Variants in CEP128 observed in about 807,000 individuals in gnomAD.
CEP128 encodes the protein centrosomal protein 128.
CEP128 carries 132 observed loss-of-function variants against 156.7 expected under a neutral mutation model. The ratio of observed to expected loss-of-function variants is 0.84; its 90% CI spans 0.73 to 0.97. The LOEUF is 0.97. Ranked by LOEUF, CEP128 falls within the 50% of genes least tolerant of loss-of-function variation. CEP128 has a pLI of 0.00. For synonymous variants in CEP128, 469 were observed against 448.9 expected, an observed-to-expected ratio of 1.04 and a Z score of -0.57; for missense variants, 1,252 against 1,281.9, an observed-to-expected ratio of 0.98 and a Z score of 0.36.
intron 19 of CEP128, among the ~76,000 whole-genome samples, chr14:80,679,782 C>T (rs1299246016): frequency 6.6e-6 from 1 of 152,176 alleles, no homozygotes; most frequent in East Asian, 1.9e-4. Context: ...CCTGTTTACA[C>T]CCCCTCCCCT....
intron 2 of CEP128, among the ~76,000 whole-genome samples, chr14:80,935,008 A>G (rs903592008): frequency 6.6e-6 from 1 of 152,214 alleles, no homozygotes; most frequent in Non-Finnish European, 1.5e-5. Context: ...TCATAACATT[A>G]TTATTATCAT....
intron 19 of CEP128, among the ~76,000 whole-genome samples, chr14:80,711,293 T>TG (rs1897393655): frequency 9.8e-6 from 1 of 102,324 alleles, no homozygotes; most frequent in South Asian, 3.7e-4. Flanking sequence ...TATAAGACTA[T>TG]GTTGTGTGTG....
chr14:80,864,590 T>C (rs1285958963), intron 8 of CEP128, among the ~76,000 whole-genome samples: 1 of 151,412 alleles, frequency 6.6e-6, no homozygotes, highest in Admixed American at 6.6e-5. Flanking sequence ...ACAGTCTCAC[T>C]CTGTCACCCA....
At chr14:80,833,749 C>T (rs1181146241) in intron 12 of CEP128, among the ~76,000 whole-genome samples, 3 of 152,016 alleles carry the variant, frequency 2.0e-5, no homozygotes, top group Non-Finnish European at 2.9e-5. Flanking sequence ...CAAGAGAGTA[C>T]TACATGTCCT....
chr14:80,661,075 G>A (rs1006194580), intron 19 of CEP128, among the ~76,000 whole-genome samples: 3 of 152,118 alleles, frequency 2.0e-5, no homozygotes, highest in African/African-American at 4.8e-5. Flanking sequence ...CACTGAAGAC[G>A]TCATTGCTGA....
intron 2 of CEP128, among the ~76,000 whole-genome samples, chr14:80,952,456 A>G (rs1412239569): frequency 1.3e-5 from 2 of 152,152 alleles, no homozygotes; most frequent in Non-Finnish European, 2.9e-5. Context: ...TAAACTGAAT[A>G]CAAATGAAAT....
In CEP128 at chr14:80,477,258, C is replaced by T. The variant is rs1029608554; in HGVS notation, c.*1460G>A. 2.0e-5 allele frequency: 3 copies of T among 152,264 alleles called. No individual in the cohort carries two copies. The East Asian group carries it at 5.8e-4, about 29-fold the overall frequency. The allele number at this position is 152,264 out of a possible 1,614,324, so 9.4% of individuals were successfully genotyped here. A position where few individuals can be genotyped will look rare whatever the true frequency, so the allele number is the denominator to read the frequency against. ...CTAATAGTACAGTATTACTGCCTTTCCTACCTTGGAAAAATTACATTATAG... is the reference window on the plus strand; with the variant it reads ...CTAATAGTACAGTATTACTGCCTTTTCTACCTTGGAAAAATTACATTATAG... On this transcript the variant is annotated 3_prime_UTR_variant and NMD_transcript_variant, in exon 15 of 15. Transcript: ENST00000554502.
chr14:80,750,135 T>C (rs1453706885), intron 18 of CEP128, among the ~76,000 whole-genome samples: 2 of 152,120 alleles, frequency 1.3e-5, no homozygotes, highest in Non-Finnish European at 2.9e-5. Context: ...CAAATGTGAG[T>C]AATCATAAGC....
At chr14:80,728,311 G>A (rs1555395692) in intron 19 of CEP128, among the ~76,000 whole-genome samples, 1 of 152,236 alleles carries the variant, frequency 6.6e-6, no homozygotes, top group East Asian at 1.9e-4. Flanking sequence ...ACCTGAACAT[G>A]AGTACACATG....
intron 18 of CEP128, among the ~76,000 whole-genome samples, chr14:80,754,327 T>C (rs1230593702): frequency 6.6e-6 from 1 of 152,206 alleles, no homozygotes; most frequent in Non-Finnish European, 1.5e-5. Context: ...TTTACCTGGA[T>C]GGTTTCAATA....
chr14:80,900,934 C>T (rs919526643), intron 6 of CEP128, among the ~76,000 whole-genome samples: 13 of 151,782 alleles, frequency 8.6e-5, no homozygotes, highest in African/African-American at 3.1e-4. Context: ...TGGCCGGGCG[C>T]GGTGGCTCAC....
chr14:80,770,976 T>A (rs993261180), intron 16 of CEP128, among the ~76,000 whole-genome samples: 1 of 152,180 alleles, frequency 6.6e-6, no homozygotes, highest in Admixed American at 6.5e-5. Context: ...AAGTAGTGAA[T>A]ACTTCATAGA....
At chr14:80,759,936 ACATATATATAT>A (rs1899876765) in intron 17 of CEP128, among the ~76,000 whole-genome samples, 1 of 151,840 alleles carries the variant, frequency 6.6e-6, no homozygotes, top group Non-Finnish European at 1.5e-5. Flanking sequence ...GTGTGTGTAT[ACATATATATAT>A]CTTACAACAT....
intron 12 of CEP128, among the ~76,000 whole-genome samples, chr14:80,835,150 C>G (rs1886010989): frequency 6.6e-6 from 1 of 152,118 alleles, no homozygotes; most frequent in Non-Finnish European, 1.5e-5. Flanking sequence ...ATCCCCACTC[C>G]CCATTTGACC....
chr14:80,519,866 T>C (rs763982630), intron 23 of CEP128, among the ~76,000 whole-genome samples: 8 of 152,188 alleles, frequency 5.3e-5, no homozygotes, highest in Non-Finnish European at 7.4e-5. Context: ...GGTCATATGA[T>C]GATCATTTCT....
chr14:80,869,041 G>C (rs946822475), intron 8 of CEP128, among the ~76,000 whole-genome samples: 1 of 151,958 alleles, frequency 6.6e-6, no homozygotes. Context: ...AAATACAATA[G>C]TAGTTTTGTG....
chr14:80,753,277 C>A (rs540667016), intron 18 of CEP128, among the ~76,000 whole-genome samples: 1 of 152,046 alleles, frequency 6.6e-6, no homozygotes, highest in Non-Finnish European at 1.5e-5. Flanking sequence ...AGACTAAAGA[C>A]ACAGAAGCAA....
intron 21 of CEP128, among the ~76,000 whole-genome samples, chr14:80,534,836 A>AAAG (rs1296174506): frequency 1.3e-5 from 2 of 151,668 alleles, no homozygotes; most frequent in Non-Finnish European, 2.9e-5. Flanking sequence ...AAAAAAAAAA[A>AAAG]AAAAAAAAAA....
At chr14:80,731,171 G>C (rs1313423851) in intron 19 of CEP128, among the ~76,000 whole-genome samples, 4 of 152,170 alleles carry the variant, frequency 2.6e-5, no homozygotes, top group African/African-American at 7.2e-5. Flanking sequence ...GGAAAGCCAG[G>C]TTGGTTTCAA....
Sources: gnomAD v4.1 joint callset for allele counts (sites outside exome capture counted in the v4.1 genomes callset) on GRCh38, gnomAD v4.1.1 for gene constraint, MANE v1.5 for transcripts, NCBI Gene and HGNC (gene_info 2026-07-23, HGNC 2026-07-21) for gene names.